The following FAM13C variants were observed in gnomAD, a reference collection of about 807,000 sequenced individuals.
FAM13C encodes the protein protein FAM13C.
In FAM13C, 37 loss-of-function variants were observed where a neutral mutation model predicts 73.2. The ratio of observed to expected loss-of-function variants is 0.51; its 90% CI spans 0.39 to 0.67. The LOEUF (loss-of-function observed/expected upper bound fraction) is 0.67, where lower values mean the gene tolerates loss of function less well. Ranked by LOEUF, FAM13C falls within the 30% of genes least tolerant of loss-of-function variation. The pLI is 0.00. For missense variants in FAM13C, 589 were observed against 715.6 expected, an observed-to-expected ratio of 0.82 and a Z score of 2.02; for synonymous variants, 246 against 260.9, an observed-to-expected ratio of 0.94 and a Z score of 0.55.
intron 3 of FAM13C, among the ~76,000 whole-genome samples, chr10:59,324,383 A>T (rs1342169363): frequency 2.0e-5 from 3 of 152,206 alleles, no homozygotes; most frequent in South Asian, 2.1e-4. Context: ...TACAGACATT[A>T]AAAATGATGT....
intron 4 of FAM13C, among the ~76,000 whole-genome samples, chr10:59,312,259 G>A (rs562797932): frequency 5.4e-4 from 82 of 152,242 alleles, no homozygotes; most frequent in African/African-American, 1.9e-3. Context: ...GTTAGCTCTT[G>A]GAACACAAGA....
At chr10:59,254,964 G>A (rs765752512) in intron 10 of FAM13C, among the ~76,000 whole-genome samples, 1 of 152,068 alleles carries the variant, frequency 6.6e-6, no homozygotes, top group Admixed American at 6.6e-5. Flanking sequence ...TAAAGGATAC[G>A]TCCAAGTTTA....
chr10:59,330,020 G>T (rs1851756891), intron 3 of FAM13C, among the ~76,000 whole-genome samples: 1 of 152,180 alleles, frequency 6.6e-6, no homozygotes, highest in Admixed American at 6.5e-5. Context: ...CTATTCTCAT[G>T]ACAGCGGATA....
intron 3 of FAM13C, among the ~76,000 whole-genome samples, chr10:59,348,223 T>A (rs1370233642): frequency 6.6e-6 from 1 of 152,288 alleles, no homozygotes; most frequent in South Asian, 2.1e-4. Flanking sequence ...GGAATGATGA[T>A]CCCATAGCAC....
In FAM13C at chr10:59,330,400, G is replaced by A. The variant is rs78458378; in HGVS notation, c.325-6294C>T. Among the ~76,000 whole-genome samples the A allele has an allele frequency of 7.4e-3, 1,122 of 152,210 alleles. 59 individuals are homozygous for A. In the East Asian group the frequency reaches 0.14, roughly 19 times the overall value. ...CAGTCACAGTTAAAATGTAACAGCT[G>A]GGGTGGGTGGTATTCAAATGTAAAA... On this transcript the variant is annotated intron_variant, in intron 3 of 13. Transcript: ENST00000618804.
intron 2 of FAM13C, among the ~76,000 whole-genome samples, chr10:59,354,385 C>G (rs184660218): frequency 5.9e-5 from 9 of 152,236 alleles, no homozygotes; most frequent in Admixed American, 3.9e-4. Context: ...CTCAGGATCT[C>G]CGAAACAGAA....
At chr10:59,339,744 A>G (rs920587723) in intron 3 of FAM13C, among the ~76,000 whole-genome samples, 4 of 152,238 alleles carry the variant, frequency 2.6e-5, no homozygotes, top group Non-Finnish European at 4.4e-5. Context: ...AGGGATTGCT[A>G]GTGAAACTGA....
rs188286928 is a variant in FAM13C at position 59,269,624 on chromosome 10, C to T, written c.803+275G>A. Among the ~76,000 whole-genome samples the T allele has an allele frequency of 3.3e-5, 5 of 152,290 alleles. No individual in the cohort carries two copies. In the East Asian group the frequency reaches 9.7e-4, roughly 29 times the overall value. ...TGTCTGATATGTGCATGTACATATA[C>T]TTACTTAAGATTCTGGTCATTTCAC... On this transcript the variant is annotated intron_variant, in intron 7 of 13. Transcript: ENST00000618804.
chr10:59,354,208 T>A (rs1488870074), intron 2 of FAM13C, among the ~76,000 whole-genome samples: 4 of 152,190 alleles, frequency 2.6e-5, no homozygotes, highest in Non-Finnish European at 5.9e-5. Context: ...TTATATCATG[T>A]TTTCAAGTCA....
chr10:59,264,193 TG>T, intron 8 of FAM13C, 27 bp from the exon 9 acceptor site: 1 of 1,237,832 alleles, frequency 8.1e-7, no homozygotes, highest in Non-Finnish European at 1.1e-6. Flanking sequence ...AAAATGGGGG[TG>T]GAAGGGAGGG....
intron 5 of FAM13C, among the ~76,000 whole-genome samples, chr10:59,286,095 G>A (rs1041483995): frequency 6.6e-6 from 1 of 152,150 alleles, no homozygotes; most frequent in Admixed American, 6.5e-5. Context: ...CAAAAGGAAG[G>A]AATTCTGACA....
chr10:59,317,843 A>G (rs1849724971), intron 4 of FAM13C, among the ~76,000 whole-genome samples: 1 of 151,968 alleles, frequency 6.6e-6, no homozygotes, highest in Non-Finnish European at 1.5e-5. Context: ...TGCTGCACCC[A>G]TTAACTCGTC....
intron 3 of FAM13C, among the ~76,000 whole-genome samples, chr10:59,325,543 C>T (rs1284207639): frequency 6.6e-6 from 1 of 152,160 alleles, no homozygotes; most frequent in Non-Finnish European, 1.5e-5. Flanking sequence ...GAGAAAAATT[C>T]TACAGCTACC....
At chr10:59,266,942 T>C (rs1038813238) in intron 8 of FAM13C, among the ~76,000 whole-genome samples, 4 of 152,244 alleles carry the variant, frequency 2.6e-5, no homozygotes, top group Non-Finnish European at 4.4e-5. Context: ...ACTTCCTTTG[T>C]ACCAAACACT....
Position 59,325,506 on chromosome 10 carries a change from C to T in FAM13C, c.325-1400G>A, listed in dbSNP as rs372527339. Among the ~76,000 whole-genome samples the T allele has an allele frequency of 1.8e-4, 28 of 152,308 alleles. 1 individual carries two copies. In the East Asian group the frequency reaches 3.1e-3, roughly 17 times the overall value. ...CATGAAAAGTTTCCATTAGTATGCA[C>T]TAGTCCCCTAGACTTCGTAGTTGCT... On this transcript the variant is annotated intron_variant, in intron 3 of 13. Coordinates refer to ENST00000618804, the MANE Select transcript of FAM13C (RefSeq NM_198215.4).
At chr10:59,286,735 A>T (rs975196974) in intron 5 of FAM13C, among the ~76,000 whole-genome samples, 2 of 151,330 alleles carry the variant, frequency 1.3e-5, no homozygotes, top group African/African-American at 4.9e-5. Flanking sequence ...CTACACACTT[A>T]AAAATGTTTA....
chr10:59,331,154 G>A (rs1332438975), intron 3 of FAM13C, among the ~76,000 whole-genome samples: 1 of 152,200 alleles, frequency 6.6e-6, no homozygotes, highest in Admixed American at 6.5e-5. Flanking sequence ...GGATGGAAGA[G>A]GTGGCAAGAC....
At chr10:59,295,250 A>G (rs11006431) in intron 5 of FAM13C, among the ~76,000 whole-genome samples, 5,094 of 152,338 alleles carry the variant, frequency 0.033, 146 homozygotes, top group Admixed American at 0.092. Context: ...AACTTAGCTG[A>G]CCAAAGATAC....
chr10:59,251,765 AT>A (rs1253404309), intron 12 of FAM13C, 89 bp from the exon 13 acceptor site: 2 of 997,496 alleles, frequency 2.0e-6, no homozygotes, highest in African/African-American at 3.3e-5. Context: ...CCAAAAAAGC[AT>A]CTATGATTGA....
Sources: gnomAD v4.1 joint callset for allele counts (sites outside exome capture counted in the v4.1 genomes callset) on GRCh38, gnomAD v4.1.1 for gene constraint, MANE v1.5 for transcripts, NCBI Gene and HGNC (gene_info 2026-07-23, HGNC 2026-07-21) for gene names.